The following PXDNL variants were observed in gnomAD, a reference collection of about 807,000 sequenced individuals.
PXDNL encodes the protein peroxidasin like.
A neutral mutation model predicts 150.8 loss-of-function variants in PXDNL; 145 were observed. That is an observed-to-expected ratio of 0.96 (90% CI 0.84 to 1.10). PXDNL has a LOEUF of 1.10. Ranked by LOEUF, PXDNL falls within the 50% of genes least tolerant of loss-of-function variation. The pLI is 0.00. For missense variants in PXDNL, 2,087 were observed against 1,873.9 expected (o/e 1.11, Z -2.10); for synonymous variants, 757 against 725.7 (o/e 1.04, Z -0.69).
intron 3 of PXDNL, among the ~76,000 whole-genome samples, chr8:51,564,438 C>T (rs147869289): frequency 2.3e-3 from 356 of 151,814 alleles, no homozygotes; most frequent in Non-Finnish European, 3.7e-3. Context: ...AGGTCACAGA[C>T]GGTTGGTTCA....
At chr8:51,351,024 C>A (rs750541977) in intron 19 of PXDNL, among the ~76,000 whole-genome samples, 4 of 152,102 alleles carry the variant, frequency 2.6e-5, no homozygotes, top group Non-Finnish European at 5.9e-5. Context: ...GAACTATCCC[C>A]ACAATTGTTT....
At chr8:51,453,440 A>G in intron 10 of PXDNL, 79 bp downstream of exon 10, 1 of 1,388,274 alleles carries the variant, frequency 7.2e-7, no homozygotes, top group Admixed American at 1.8e-5. Flanking sequence ...ACTGATGTAC[A>G]TGACATTATT....
chr8:51,790,683 G>C (rs2037503466), intron 1 of PXDNL, among the ~76,000 whole-genome samples: 1 of 147,700 alleles, frequency 6.8e-6, no homozygotes, highest in Non-Finnish European at 1.5e-5. Flanking sequence ...GGAAGGGCCT[G>C]GAGGCGGCGG....
At chr8:51,568,264 G>T (rs1044231835) in intron 3 of PXDNL, among the ~76,000 whole-genome samples, 5 of 151,596 alleles carry the variant, frequency 3.3e-5, no homozygotes, top group African/African-American at 1.2e-4. Flanking sequence ...CCTTCTCTTT[G>T]AAGGATTTTT....
intron 22 of PXDNL, 101 bp from the exon 23 acceptor site, chr8:51,320,123 T>C: frequency 1.9e-6 from 2 of 1,026,540 alleles, no homozygotes; most frequent in Admixed American, 4.1e-5. Flanking sequence ...ATAAGCTGAC[T>C]GTCTCAATAT....
chr8:51,416,361 A>C (rs1411731741), intron 14 of PXDNL, among the ~76,000 whole-genome samples: 2 of 152,222 alleles, frequency 1.3e-5, no homozygotes, highest in Non-Finnish European at 2.9e-5. Context: ...TTAATATGTG[A>C]ATGTGAATTG....
intron 19 of PXDNL, among the ~76,000 whole-genome samples, chr8:51,355,652 C>A (rs1806484369): frequency 6.6e-6 from 1 of 152,164 alleles, no homozygotes; most frequent in South Asian, 2.1e-4. Context: ...CTGCTCTATG[C>A]AAAGTCAATT....
intron 6 of PXDNL, among the ~76,000 whole-genome samples, chr8:51,480,908 C>T (rs1484591637): frequency 3.3e-5 from 5 of 152,134 alleles, no homozygotes; most frequent in Admixed American, 1.3e-4. Flanking sequence ...TTATAAATTA[C>T]CCAGTCTCAT....
intron 2 of PXDNL, among the ~76,000 whole-genome samples, chr8:51,593,108 A>G (rs542313021): frequency 7.2e-5 from 11 of 152,304 alleles, no homozygotes; most frequent in Non-Finnish European, 1.2e-4. Flanking sequence ...AGATATTGAC[A>G]CACAGTAGAC....
chr8:51,713,658 C>T (rs1286846957), intron 1 of PXDNL, among the ~76,000 whole-genome samples: 1 of 152,100 alleles, frequency 6.6e-6, no homozygotes, highest in East Asian at 1.9e-4. Context: ...GTTAGTCAAA[C>T]AAGCTTTATC....
chr8:51,580,675 T>G (rs1244505358), intron 3 of PXDNL, among the ~76,000 whole-genome samples: 1 of 152,142 alleles, frequency 6.6e-6, no homozygotes, highest in East Asian at 1.9e-4. Flanking sequence ...TACCATTGCC[T>G]GGAAGACAAA....
chr8:51,615,486 T>G (rs1330451387), intron 2 of PXDNL, among the ~76,000 whole-genome samples: 1 of 152,176 alleles, frequency 6.6e-6, no homozygotes, highest in Non-Finnish European at 1.5e-5. Flanking sequence ...AAAATTAATT[T>G]TTTTAGCATT....
chr8:51,705,605 C>T lies in PXDNL; in HGVS notation c.165-50845G>A, dbSNP rs184929166. Reference sequence around the variant, plus strand: ...ATTACTTAAACAAGATAAATTAATGCGGTGAGATAATGTGTGTAAGAAATA... The same window carrying T: ...ATTACTTAAACAAGATAAATTAATGTGGTGAGATAATGTGTGTAAGAAATA... On this transcript the variant is annotated intron_variant, in intron 1 of 22. Transcript: ENST00000356297. 2.7e-3 allele frequency among the ~76,000 whole-genome samples: 415 copies of T among 152,280 alleles called. 1 individual carries two copies. The highest frequency in any genetic ancestry group is 6.2e-3 in the South Asian group (30 of 4,826).
intron 2 of PXDNL, among the ~76,000 whole-genome samples, chr8:51,629,937 T>A (rs1183773315): frequency 6.6e-6 from 1 of 152,144 alleles, no homozygotes; most frequent in Non-Finnish European, 1.5e-5. Flanking sequence ...GAAAAATCTA[T>A]TTTACAATTA....
intron 10 of PXDNL, among the ~76,000 whole-genome samples, chr8:51,450,349 C>T (rs1809776435): frequency 6.6e-6 from 1 of 152,162 alleles, no homozygotes; most frequent in African/African-American, 2.4e-5. Context: ...CATCCTGTGA[C>T]TAAAAATACT....
At chr8:51,631,407 C>A (rs1187944282) in intron 2 of PXDNL, among the ~76,000 whole-genome samples, 1 of 152,084 alleles carries the variant, frequency 6.6e-6, no homozygotes. Flanking sequence ...TATTACAAAG[C>A]TGCACATGTA....
At chr8:51,752,890 C>T (rs1240396591) in intron 1 of PXDNL, among the ~76,000 whole-genome samples, 1 of 152,186 alleles carries the variant, frequency 6.6e-6, no homozygotes, top group Non-Finnish European at 1.5e-5. Flanking sequence ...AGAGAATGAG[C>T]ATCCATGGGG....
At chr8:51,663,440 G>T (rs1279857683) in intron 1 of PXDNL, among the ~76,000 whole-genome samples, 2 of 152,056 alleles carry the variant, frequency 1.3e-5, no homozygotes, top group African/African-American at 4.8e-5. Context: ...CTTTTTCAGG[G>T]ATTATGTGGT....
At chr8:51,363,027 A>G (rs147390607) in intron 19 of PXDNL, among the ~76,000 whole-genome samples, 2 of 152,202 alleles carry the variant, frequency 1.3e-5, no homozygotes, top group African/African-American at 4.8e-5. Flanking sequence ...GGCCTGGGGC[A>G]AAGTTCTCAG....
Sources: gnomAD v4.1 joint callset for allele counts (sites outside exome capture counted in the v4.1 genomes callset) on GRCh38, gnomAD v4.1.1 for gene constraint, MANE v1.5 for transcripts, NCBI Gene and HGNC (gene_info 2026-07-23, HGNC 2026-07-21) for gene names.